The following SLC25A23 variants were observed in gnomAD, a reference collection of about 807,000 sequenced individuals.
SLC25A23 encodes solute carrier family 25 member 23.
A neutral mutation model predicts 53.9 loss-of-function variants in SLC25A23; 32 were observed. The ratio of observed to expected loss-of-function variants is 0.59; its 90% CI spans 0.45 to 0.80. SLC25A23 has a LOEUF of 0.80. SLC25A23 is among the 30% of genes least tolerant of loss of function. The probability of loss-of-function intolerance (pLI) is 0.00; values close to 1 mark genes in which losing one functional copy is unlikely to be tolerated. For synonymous variants in SLC25A23, 275 were observed against 264.5 expected (o/e 1.04, Z -0.38); for missense variants, 575 against 651.4 (o/e 0.88, Z 1.28).
chr19:6,454,236 AC>A lies in SLC25A23; in HGVS notation c.795+86del. On this transcript the variant is annotated intron_variant, in intron 6 of 9. Transcript: ENST00000301454. This position sits in a 1 kb window ranked among gnomAD's most constrained non-coding sequence, Gnocchi z 4.3. ...CTGATCCTGGGGACCTGTGTTCACCACCCACCCCCAAGCCAATCCCGTAAAT... is the reference window on the plus strand; with the variant it reads ...CTGATCCTGGGGACCTGTGTTCACCACCACCCCCAAGCCAATCCCGTAAAT... 6.5e-7 allele frequency: 1 copy of A among 1,541,750 alleles called. No individual in the cohort carries two copies.
At chr19:6,458,377 G>A in intron 1 of SLC25A23, 53 bp from the exon 2 acceptor site, 2 of 1,587,166 alleles carry the variant, frequency 1.3e-6, no homozygotes, top group Non-Finnish European at 1.7e-6. Flanking sequence ...TCCTGATCTG[G>A]AGGGGACGCA....
chr19:6,456,205 T>C, intron 4 of SLC25A23: 1 of 1,165,176 alleles, frequency 8.6e-7, no homozygotes, highest in Non-Finnish European at 1.2e-6. Context: ...TCTCAAGGGC[T>C]GCGCTTCAAT....
intron 8 of SLC25A23, 63 bp downstream of exon 8, chr19:6,452,249 A>G: frequency 6.5e-7 from 1 of 1,550,028 alleles, no homozygotes; most frequent in Non-Finnish European, 8.7e-7. Flanking sequence ...GGGAAGGGGA[A>G]GGGGTGTCCT....
chr19:6,457,255 T>C (rs1056542235), intron 3 of SLC25A23, among the ~76,000 whole-genome samples: 1 of 151,074 alleles, frequency 6.6e-6, no homozygotes, highest in Non-Finnish European at 1.5e-5. Context: ...TTAGTAGAGA[T>C]GGGGTTTTAC....
rs1431670315 is a variant in SLC25A23 at position 6,454,273 on chromosome 19, A to G, written c.795+50T>C. 1.3e-6 allele frequency: 2 copies of G among 1,581,526 alleles called. No homozygotes were observed. The highest frequency in any genetic ancestry group is 3.5e-5 in the Admixed American group (2 of 56,942). On this transcript the variant is annotated intron_variant, in intron 6 of 9. Coordinates refer to ENST00000301454, the MANE Select transcript of SLC25A23 (RefSeq NM_024103.3). This position sits in a 1 kb window ranked among gnomAD's most constrained non-coding sequence, Gnocchi z 4.3. ...GCCAATCCCGTAAATCTTTATGTAC[A>G]GCCCAGTCTTCCCTATGGCAAGCAC... is the stretch of plus-strand genomic sequence containing the variant.
In SLC25A23 at chr19:6,454,713, A is replaced by C. The variant is rs2092651836; in HGVS notation, c.488T>G (p.Leu163Arg). 6.2e-7 allele frequency: 1 copy of C among 1,613,728 alleles called. No individual in the cohort carries two copies. Among genetic ancestry groups the C allele is most frequent in the African/African-American group, 1.3e-5 (1 of 74,940 alleles). The change falls in exon 5 of 10, where the codon CTG becomes CGG. Residue 163 changes from leucine (L) to arginine (R), a missense_variant. Coordinates refer to ENST00000301454, the MANE Select transcript of SLC25A23 (RefSeq NM_024103.3). The surrounding 1 kb of genome is among the most constrained non-coding windows in gnomAD (Gnocchi z 4.3). ...VLYFWKHSTV[L>R]DIGECLTVPD... Reference sequence around the variant, plus strand: ...CACTGTCAGGCACTCGCCAATGTCCAGGACCTAAAGATACAGGTGTTGGGG... The same window carrying C: ...CACTGTCAGGCACTCGCCAATGTCCCGGACCTAAAGATACAGGTGTTGGGG...
At chr19:6,453,923 G>A (rs760319412) in intron 7 of SLC25A23, 58 bp downstream of exon 7, 175 of 1,367,528 alleles carry the variant, frequency 1.3e-4, no homozygotes, top group Non-Finnish European at 1.7e-4. Flanking sequence ...AGAGTGAGAT[G>A]GGTACAGCAG....
chr19:6,459,636 GC>G lies in SLC25A23; in HGVS notation c.-9del. ...GCCCGGGCTCCCCCGCATGGCGCCC[GC>G]CCGGGGGGGAGGGGAGGCCCGGCAG... On this transcript the variant is annotated 5_prime_UTR_variant, in exon 1 of 10. Transcript: ENST00000301454. The surrounding 1 kb of genome is among the most constrained non-coding windows in gnomAD (Gnocchi z 4.6). The G allele has an allele frequency of 6.9e-7, 1 of 1,447,162 alleles. No individual in the cohort carries two copies. Among genetic ancestry groups the G allele is most frequent in the African/African-American group, 1.5e-5 (1 of 68,716 alleles). 89.6% of individuals were successfully genotyped at this position (1,447,162 alleles called of 1,614,324 possible).
intron 9 of SLC25A23, among the ~76,000 whole-genome samples, 194 bp downstream of exon 9, chr19:6,443,957 T>C (rs547569053): frequency 6.6e-6 from 1 of 152,330 alleles, no homozygotes; most frequent in Non-Finnish European, 1.5e-5. Context: ...CTGTACCCAC[T>C]GCACCTGTTA....
intron 4 of SLC25A23, chr19:6,455,936 G>A (rs1266953593): frequency 9.9e-7 from 1 of 1,011,816 alleles, no homozygotes; most frequent in African/African-American, 1.7e-5. Context: ...AGCCAGGATG[G>A]TCGCGATCGC....
At chr19:6,446,609 G>C (rs904476667) in intron 8 of SLC25A23, among the ~76,000 whole-genome samples, 1 of 152,158 alleles carries the variant, frequency 6.6e-6, no homozygotes, top group Non-Finnish European at 1.5e-5. Flanking sequence ...AGACTGACCT[G>C]GTGGATCAAT....
chr19:6,438,166 A>C (rs2092358390), downstream of SLC25A23: 1 of 152,162 alleles, frequency 6.6e-6, no homozygotes, highest in African/African-American at 2.4e-5. Context: ...AAATGCAAAA[A>C]TTAGCCAGTT....
Position 6,459,688 on chromosome 19 carries a change from G to T in SLC25A23, c.-60C>A, listed in dbSNP as rs2092735540. ...CGGCGGCCTCAGTGGGGGCTTCGCG[G>T]CTCCCCCTCCCCCCCCGGGACCCCG... On this transcript the variant is annotated 5_prime_UTR_variant, in exon 1 of 10. Coordinates refer to ENST00000301454, the MANE Select transcript of SLC25A23 (RefSeq NM_024103.3). The surrounding 1 kb of genome is among the most constrained non-coding windows in gnomAD (Gnocchi z 4.6). The T allele has an allele frequency of 1.6e-6, 2 of 1,239,428 alleles. No individual in the cohort carries two copies. Among genetic ancestry groups the T allele is most frequent in the Admixed American group, 4.3e-5 (1 of 23,078 alleles). 76.8% of individuals were successfully genotyped at this position (1,239,428 alleles called of 1,614,324 possible). A position where few individuals can be genotyped will look rare whatever the true frequency, so the allele number is the denominator to read the frequency against.
intron 8 of SLC25A23, among the ~76,000 whole-genome samples, chr19:6,451,483 C>T (rs1366736338): frequency 6.6e-6 from 1 of 152,208 alleles, no homozygotes; most frequent in Non-Finnish European, 1.5e-5. Flanking sequence ...GGGCTCTCTG[C>T]GACTTCACAG....
At chr19:6,456,284 T>A (rs1001183302) in intron 4 of SLC25A23, 136 bp downstream of exon 4, 1 of 964,822 alleles carries the variant, frequency 1.0e-6, no homozygotes, top group African/African-American at 1.6e-5. Context: ...CAGACCCTCA[T>A]CCGTCAGCTG....
At chr19:6,456,216 C>A in intron 4 of SLC25A23, 1 of 1,072,032 alleles carries the variant, frequency 9.3e-7, no homozygotes, top group Non-Finnish European at 1.3e-6. Flanking sequence ...GCGCTTCAAT[C>A]AGACAGCAGA....
At chr19:6,444,005 C>A in intron 9 of SLC25A23, 146 bp downstream of exon 9, 1 of 835,918 alleles carries the variant, frequency 1.2e-6, no homozygotes, top group Non-Finnish European at 1.8e-6. Flanking sequence ...GTAAAGGACT[C>A]CCATTTCAAT....
downstream of SLC25A23, among the ~76,000 whole-genome samples, chr19:6,438,995 C>A (rs542545551): frequency 6.2e-4 from 95 of 152,172 alleles, no homozygotes; most frequent in African/African-American, 2.2e-3. Flanking sequence ...GAGCCGAGAT[C>A]GTGTCACTGC....
Position 6,442,161 on chromosome 19 carries a change from T to TGGTTGGGGGGGG in SLC25A23, c.1223-3_1223-2insCCCCCCCCAACC. On this transcript the variant is annotated splice_region_variant and splice_polypyrimidine_tract_variant and intron_variant, in intron 9 of 9. Transcript: ENST00000301454. The stretch of plus-strand genomic sequence containing the variant: ...GCTGGGGGCCACCCTCGATGGAGGC[T>TGGTTGGGGGGGG]GGGAGGGGGCGGGGGGGGCACCAGG... The TGGTTGGGGGGGG allele has an allele frequency of 1.3e-6, 1 of 747,910 alleles. No individual in the cohort carries two copies. Among genetic ancestry groups the TGGTTGGGGGGGG allele is most frequent in the Non-Finnish European group, 2.0e-6 (1 of 504,220 alleles). 46.3% of individuals were successfully genotyped at this position (747,910 alleles called of 1,614,324 possible). A position where few individuals can be genotyped will look rare whatever the true frequency, so the allele number is the denominator to read the frequency against.
Sources: gnomAD v4.1 joint callset for allele counts (sites outside exome capture counted in the v4.1 genomes callset) on GRCh38, gnomAD v4.1.1 for gene constraint, Gnocchi (gnomAD v3.1) non-coding constraint, MANE v1.5 for transcripts, NCBI Gene and HGNC (gene_info 2026-07-23, HGNC 2026-07-21) for gene names.